Variants in PDSS1 observed in about 807,000 individuals in gnomAD.
PDSS1 encodes the protein all trans-polyprenyl-diphosphate synthase PDSS1.
PDSS1 carries 43 observed loss-of-function variants against 57.5 expected under a neutral mutation model. That is an observed-to-expected ratio of 0.75 (90% CI 0.59 to 0.96). PDSS1 has a LOEUF of 0.96. Ranked by LOEUF, PDSS1 falls within the 50% of genes least tolerant of loss-of-function variation. The pLI, the probability that PDSS1 is intolerant of heterozygous loss-of-function variation, is 0.00. For missense variants in PDSS1, 438 were observed against 527.8 expected, an observed-to-expected ratio of 0.83 and a Z score of 1.67; for synonymous variants, 175 against 191.3, an observed-to-expected ratio of 0.91 and a Z score of 0.70.
In PDSS1 at chr10:26,720,213, A is replaced by G; in HGVS notation, c.468-5A>G. On this transcript the variant is annotated splice_region_variant and splice_polypyrimidine_tract_variant and intron_variant, in intron 5 of 11. Transcript: ENST00000376215. Reference sequence around the variant, plus strand: ...TGTTAAAAAGCATTGCTTTCTGTTAATTAGACATGTGCAAGCCAGCCAGCG... The same window carrying G: ...TGTTAAAAAGCATTGCTTTCTGTTAGTTAGACATGTGCAAGCCAGCCAGCG... 1.2e-6 allele frequency: 2 copies of G among 1,612,626 alleles called. No homozygotes were observed. The highest frequency in any genetic ancestry group is 1.7e-6 in the Non-Finnish European group (2 of 1,179,990).
intron 10 of PDSS1, chr10:26,740,688 G>C (rs751071144): frequency 4.4e-6 from 2 of 456,676 alleles, no homozygotes; most frequent in South Asian, 3.1e-5. Context: ...AAGCACTGAC[G>C]TGGCCAAAAT....
intron 10 of PDSS1, among the ~76,000 whole-genome samples, chr10:26,738,460 A>G (rs1836475866): frequency 6.6e-6 from 1 of 152,238 alleles, no homozygotes; most frequent in Admixed American, 6.5e-5. Flanking sequence ...AGTAGCTATG[A>G]TACCACACAG....
chr10:26,713,592 C>T (rs1015223904), intron 5 of PDSS1, among the ~76,000 whole-genome samples: 1 of 152,078 alleles, frequency 6.6e-6, no homozygotes, highest in African/African-American at 2.4e-5. Context: ...CTATGGCTTA[C>T]AGTTTATTCT....
At chr10:26,740,343 G>A (rs539202368) in intron 10 of PDSS1, among the ~76,000 whole-genome samples, 2 of 152,126 alleles carry the variant, frequency 1.3e-5, no homozygotes, top group South Asian at 2.1e-4. Context: ...CTTTTTTACC[G>A]TAGAAGTTGA....
chr10:26,721,910 G>A (rs888504884), intron 6 of PDSS1, among the ~76,000 whole-genome samples: 1 of 152,222 alleles, frequency 6.6e-6, no homozygotes, highest in Non-Finnish European at 1.5e-5. Context: ...CTACTTGCCA[G>A]TTCCTACCTG....
intron 8 of PDSS1, among the ~76,000 whole-genome samples, chr10:26,726,188 A>G (rs899355500): frequency 6.6e-6 from 1 of 152,228 alleles, no homozygotes; most frequent in Non-Finnish European, 1.5e-5. Context: ...ATTCTTTTAT[A>G]AAGATATGCA....
At chr10:26,738,356 A>T (rs1247052575) in intron 10 of PDSS1, among the ~76,000 whole-genome samples, 1 of 152,218 alleles carries the variant, frequency 6.6e-6, no homozygotes, top group Non-Finnish European at 1.5e-5. Context: ...AACATCTGGT[A>T]AATGGCACAG....
chr10:26,728,061 TAG>T (rs1259039728), intron 8 of PDSS1, among the ~76,000 whole-genome samples: 10 of 152,136 alleles, frequency 6.6e-5, no homozygotes, highest in Non-Finnish European at 1.5e-4. Flanking sequence ...ATCGCTTGAT[TAG>T]GATACTGTCG....
intron 8 of PDSS1, among the ~76,000 whole-genome samples, chr10:26,727,322 T>TTC (rs201547401): frequency 2.0e-3 from 299 of 145,974 alleles, no homozygotes; most frequent in Middle Eastern, 3.6e-3. Flanking sequence ...CCTGCCTTGT[T>TTC]TCTCTCTCTC....
chr10:26,737,349 A>C (rs1836439562), intron 10 of PDSS1, among the ~76,000 whole-genome samples: 1 of 152,138 alleles, frequency 6.6e-6, no homozygotes, highest in Non-Finnish European at 1.5e-5. Context: ...CCCTACACAC[A>C]CAAAGGAGTA....
intron 4 of PDSS1, among the ~76,000 whole-genome samples, chr10:26,708,127 C>T (rs547354076): frequency 6.6e-6 from 1 of 152,372 alleles, no homozygotes; most frequent in South Asian, 2.1e-4. Flanking sequence ...AGACCCTGAG[C>T]TCCTTGTAGG....
At chr10:26,701,071 C>T (rs1960383) in intron 1 of PDSS1, among the ~76,000 whole-genome samples, 45,671 of 152,040 alleles carry the variant, frequency 0.3, 7,327 homozygotes, top group East Asian at 0.47. Context: ...TTCCTGGGAA[C>T]TGGGCAAAGG....
chr10:26,706,261 A>G (rs373447790), intron 4 of PDSS1, among the ~76,000 whole-genome samples: 22 of 152,224 alleles, frequency 1.4e-4, no homozygotes, highest in African/African-American at 5.1e-4. Flanking sequence ...AGAGCAAGAC[A>G]TTTTTTCTGT....
At position 26,707,078 on chromosome 10, in the gene PDSS1, C is replaced by G. The variant is rs140347114; in HGVS notation, c.336+1684C>G. ...ACTTCCAGGGACTTGCATCCCGTCTCCCCGGATTCTTCCCTTGGGGTGGGC... is the reference window on the plus strand; with the variant it reads ...ACTTCCAGGGACTTGCATCCCGTCTGCCCGGATTCTTCCCTTGGGGTGGGC... On this transcript the variant is annotated intron_variant, in intron 4 of 11. Coordinates refer to ENST00000376215, the MANE Select transcript of PDSS1 (RefSeq NM_014317.5). Among the ~76,000 whole-genome samples, 692 of 152,270 alleles carry G rather than the reference C, an allele frequency of 4.5e-3. 6 individuals carry two copies. The highest frequency in any genetic ancestry group is 0.017 in the Middle Eastern group (5 of 294).
At chr10:26,725,877 A>G (rs1835934193) in intron 8 of PDSS1, among the ~76,000 whole-genome samples, 1 of 152,180 alleles carries the variant, frequency 6.6e-6, no homozygotes, top group Non-Finnish European at 1.5e-5. Flanking sequence ...GAAGTTCAAG[A>G]CCAACCTAGG....
At chr10:26,713,341 TG>T (rs1323346955) in intron 5 of PDSS1, among the ~76,000 whole-genome samples, 2 of 152,058 alleles carry the variant, frequency 1.3e-5, no homozygotes, top group Non-Finnish European at 2.9e-5. Flanking sequence ...AACAAAACTT[TG>T]GAGGGGATTT....
At chr10:26,745,072 G>A (rs185320014) in intron 11 of PDSS1, among the ~76,000 whole-genome samples, 145 of 152,124 alleles carry the variant, frequency 9.5e-4, no homozygotes, top group African/African-American at 3.3e-3. Context: ...GCTGAGGCAC[G>A]AGAATCCCTT....
rs540391729 is a variant in PDSS1, at chr10:26,745,822, G to C, written c.1108-511G>C. Among the ~76,000 whole-genome samples, 10 of 151,716 alleles carry C rather than the reference G, an allele frequency of 6.6e-5. No homozygotes were observed. The South Asian group carries it at 2.1e-3, about 32-fold the overall frequency. Reference sequence around the variant, plus strand: ...AGATCATGTCATGCACTCTAGCTTGGGTGACAGAGTGAGACCCTGTCTCAA... The same window carrying C: ...AGATCATGTCATGCACTCTAGCTTGCGTGACAGAGTGAGACCCTGTCTCAA... On this transcript the variant is annotated intron_variant, in intron 11 of 11. Transcript: ENST00000376215.
chr10:26,697,880 C>T (rs1834918453), intron 1 of PDSS1, 40 bp downstream of exon 1: 1 of 1,261,040 alleles, frequency 7.9e-7, no homozygotes, highest in African/African-American at 1.6e-5. Flanking sequence ...GCTCAGAGGT[C>T]ACGGCTCCAA....
Sources: gnomAD v4.1 joint callset for allele counts (sites outside exome capture counted in the v4.1 genomes callset) on GRCh38, gnomAD v4.1.1 for gene constraint, MANE v1.5 for transcripts, NCBI Gene and HGNC (gene_info 2026-07-23, HGNC 2026-07-21) for gene names.